DEPDC1B: variants seen among roughly 807,000 people sequenced by gnomAD.
DEPDC1B encodes DEP domain containing 1B.
Under a neutral mutation model 66.5 loss-of-function variants are expected in DEPDC1B, and 51 were observed. The ratio of observed to expected loss-of-function variants is 0.77; its 90% CI spans 0.61 to 0.97. The LOEUF is 0.97. DEPDC1B is among the 50% of genes least tolerant of loss of function. The probability of loss-of-function intolerance (pLI) is 0.00; values close to 1 mark genes in which losing one functional copy is unlikely to be tolerated. For synonymous variants in DEPDC1B, 226 were observed against 223.6 expected (o/e 1.01, Z -0.10); for missense variants, 552 against 637.1 (o/e 0.87, Z 1.44).
At chr5:60,663,246 C>T (rs540029143) in intron 2 of DEPDC1B, among the ~76,000 whole-genome samples, 2 of 152,288 alleles carry the variant, frequency 1.3e-5, no homozygotes, top group East Asian at 1.9e-4. Flanking sequence ...GTTCCACCTC[C>T]GTTCCCTACC....
At chr5:60,631,733 AG>A (rs1752930121) in intron 7 of DEPDC1B, among the ~76,000 whole-genome samples, 1 of 152,164 alleles carries the variant, frequency 6.6e-6, no homozygotes, top group African/African-American at 2.4e-5. Flanking sequence ...CTCCAATTAT[AG>A]CTATTTTCCT....
intron 2 of DEPDC1B, among the ~76,000 whole-genome samples, chr5:60,670,883 G>C (rs1754019832): frequency 1.3e-5 from 2 of 152,190 alleles, no homozygotes; most frequent in Non-Finnish European, 2.9e-5. Flanking sequence ...GGTGAGAAGA[G>C]AAAAGGAATC....
rs781516202 is a variant in DEPDC1B, at chr5:60,645,639, A to G, written c.451-20T>C. The G allele has an allele frequency of 1.8e-5, 28 of 1,595,458 alleles. No individual in the cohort carries two copies. In the Admixed American group the frequency reaches 5.0e-4, roughly 28 times the overall value. On this transcript the variant is annotated intron_variant, in intron 3 of 10. Transcript: ENST00000265036. ...AGAATTCTAATGGAGGGGGGATGTA[A>G]GAAGGGAGGGAAGGAGAAACGGTAG...
chr5:60,629,009 G>A (rs374765139), intron 7 of DEPDC1B, among the ~76,000 whole-genome samples: 58 of 152,254 alleles, frequency 3.8e-4, no homozygotes, highest in African/African-American at 1.3e-3. Context: ...CTCAGGACCC[G>A]ACTGAGGGGG....
At chr5:60,694,960 T>A (rs1262337541) in intron 1 of DEPDC1B, among the ~76,000 whole-genome samples, 1 of 152,260 alleles carries the variant, frequency 6.6e-6, no homozygotes, top group African/African-American at 2.4e-5. Context: ...GATGTTTTTA[T>A]AAGGAAATAA....
intron 7 of DEPDC1B, among the ~76,000 whole-genome samples, chr5:60,622,172 C>T (rs553999365): frequency 1.2e-4 from 18 of 152,232 alleles, no homozygotes; most frequent in African/African-American, 4.3e-4. Context: ...AACAGCACAA[C>T]AATGAAAATA....
chr5:60,646,167 T>C (rs971741637), intron 3 of DEPDC1B, among the ~76,000 whole-genome samples: 22 of 152,216 alleles, frequency 1.4e-4, no homozygotes, highest in African/African-American at 2.4e-5. Context: ...ATTTTTTTGT[T>C]GTTTGCTTTT....
At chr5:60,649,604 C>A (rs1053874775) in intron 2 of DEPDC1B, among the ~76,000 whole-genome samples, 1 of 152,064 alleles carries the variant, frequency 6.6e-6, no homozygotes, top group Non-Finnish European at 1.5e-5. Flanking sequence ...AGTTCAAATG[C>A]CACATTTTTC....
At chr5:60,666,139 G>A (rs942849609) in intron 2 of DEPDC1B, among the ~76,000 whole-genome samples, 2 of 152,186 alleles carry the variant, frequency 1.3e-5, no homozygotes, top group Non-Finnish European at 2.9e-5. Flanking sequence ...CTCCAGATCC[G>A]GGAGGGTGTT....
chr5:60,671,904 C>T (rs1754048918), intron 2 of DEPDC1B, among the ~76,000 whole-genome samples: 1 of 152,226 alleles, frequency 6.6e-6, no homozygotes, highest in South Asian at 2.1e-4. Context: ...TCTTTGCCCT[C>T]AAGAAACTTA....
chr5:60,664,240 C>G (rs1403558212), intron 2 of DEPDC1B, among the ~76,000 whole-genome samples: 1 of 152,188 alleles, frequency 6.6e-6, no homozygotes, highest in Non-Finnish European at 1.5e-5. Context: ...CAGCTTGCAA[C>G]CCGTGGCATA....
chr5:60,677,289 C>CAT (rs1397171336), intron 2 of DEPDC1B, among the ~76,000 whole-genome samples: 102 of 125,488 alleles, frequency 8.1e-4, no homozygotes, highest in Admixed American at 2.2e-3. Context: ...GAATCTTTTT[C>CAT]ATACAGACAC....
rs1036633906 is a variant in DEPDC1B, at chr5:60,599,342, T to C, written c.1243-82A>G. 9.7e-5 allele frequency: 109 copies of C among 1,122,206 alleles called. 1 individual carries two copies. Among genetic ancestry groups the C allele is most frequent in the Non-Finnish European group, 6.7e-5 (56 of 830,714 alleles). The allele number at this position is 1,122,206 out of a possible 1,614,324, so 69.5% of individuals were successfully genotyped here. On this transcript the variant is annotated intron_variant, in intron 9 of 10. Transcript: ENST00000265036. ...GAATTAGTTTAGATCAAATACAGGA[T>C]ATCTCCTTGTACCGTAGCAATGCCA...
At chr5:60,603,919 T>C (rs909724338) in intron 8 of DEPDC1B, among the ~76,000 whole-genome samples, 1 of 151,622 alleles carries the variant, frequency 6.6e-6, no homozygotes, top group South Asian at 2.1e-4. Flanking sequence ...TTGAATCATG[T>C]AGCACTACTA....
At chr5:60,610,649 G>T (rs1024206831) in intron 7 of DEPDC1B, among the ~76,000 whole-genome samples, 6 of 152,170 alleles carry the variant, frequency 3.9e-5, no homozygotes, top group African/African-American at 1.4e-4. Flanking sequence ...TAGTATGGAA[G>T]AAGATATAAA....
At chr5:60,647,652 CAAT>C (rs1753353789) in intron 2 of DEPDC1B, 119 bp from the exon 3 acceptor site, 2 of 1,106,554 alleles carry the variant, frequency 1.8e-6, no homozygotes, top group South Asian at 1.8e-5. Context: ...AATATTTATA[CAAT>C]AATTACATAA....
intron 7 of DEPDC1B, among the ~76,000 whole-genome samples, chr5:60,633,678 G>T (rs1350727010): frequency 6.6e-6 from 1 of 152,220 alleles, no homozygotes; most frequent in Non-Finnish European, 1.5e-5. Context: ...CCAGCCTGTA[G>T]ATTTGTGAGC....
At chr5:60,658,863 T>C (rs1403811106) in intron 2 of DEPDC1B, among the ~76,000 whole-genome samples, 2 of 152,196 alleles carry the variant, frequency 1.3e-5, no homozygotes, top group African/African-American at 2.4e-5. Context: ...AGCTGAGCTT[T>C]TGCTCACCAT....
chr5:60,664,878 T>C (rs1484203027), intron 2 of DEPDC1B, among the ~76,000 whole-genome samples: 1 of 152,166 alleles, frequency 6.6e-6, no homozygotes, highest in East Asian at 1.9e-4. Context: ...GAAAGGGAAT[T>C]CCTAACTTCC....
Sources: allele counts gnomAD v4.1 joint callset (sites outside exome capture counted in the v4.1 genomes callset), GRCh38; gene constraint gnomAD v4.1.1; transcripts MANE v1.5; gene names NCBI Gene and HGNC (gene_info 2026-07-23, HGNC 2026-07-21).